NEBL: variants seen among roughly 807,000 people sequenced by gnomAD.
NEBL encodes LIM and SH3 protein 2.
NEBL carries 122 observed loss-of-function variants against 140.2 expected under a neutral mutation model. That is an observed-to-expected ratio of 0.87 (90% CI 0.75 to 1.01). The LOEUF (loss-of-function observed/expected upper bound fraction) is 1.01, where lower values mean the gene tolerates loss of function less well. Among genes scored for constraint, NEBL ranks in the 50% least tolerant of loss-of-function variants. The pLI is 0.00. For missense variants in NEBL, 1,365 were observed against 1,231.3 expected (o/e 1.11, Z -1.62); for synonymous variants, 436 against 398.9 (o/e 1.09, Z -1.11).
At chr10:21,115,537 T>G (rs958808253) in intron 2 of NEBL, among the ~76,000 whole-genome samples, 2 of 151,736 alleles carry the variant, frequency 1.3e-5, no homozygotes, top group South Asian at 2.1e-4. Flanking sequence ...TAGGTGAGAG[T>G]TTTTTTTCTT....
At chr10:20,908,303 T>C (rs1201902504) in intron 4 of NEBL, among the ~76,000 whole-genome samples, 1 of 152,234 alleles carries the variant, frequency 6.6e-6, no homozygotes, top group Non-Finnish European at 1.5e-5. Flanking sequence ...ATGCTTTTTA[T>C]TCCTTTCTGG....
At chr10:21,249,999 G>T (rs1842566873) in intron 2 of NEBL, among the ~76,000 whole-genome samples, 1 of 152,154 alleles carries the variant, frequency 6.6e-6, no homozygotes, top group Non-Finnish European at 1.5e-5. Flanking sequence ...TAGAGGCAGA[G>T]GTTGCAATGA....
At chr10:21,080,398 T>C (rs1239844355) in intron 2 of NEBL, among the ~76,000 whole-genome samples, 1 of 152,218 alleles carries the variant, frequency 6.6e-6, no homozygotes, top group African/African-American at 2.4e-5. Flanking sequence ...GCGAATTTCA[T>C]TTTTGGGAAC....
In NEBL at chr10:20,923,666, C is replaced by CAAAAAAAAAAAAAAAAAAAAA. The variant is rs71390799; in HGVS notation, c.357+37985_357+38005dup. Among the ~76,000 whole-genome samples, 31 of 28,366 alleles carry CAAAAAAAAAAAAAAAAAAAAA rather than the reference C, an allele frequency of 1.1e-3. 4 individuals carry two copies. The highest frequency in any genetic ancestry group is 2.9e-3 in the African/African-American group (23 of 8,036). 18.6% of individuals were successfully genotyped at this position (28,366 alleles called of 152,430 possible). ...TGCACTCCAGAGCAAGACTCCGTCTCAAAAAAAAAAAAAAAAAAAAAAAAA... is the reference window on the plus strand; with the variant it reads ...TGCACTCCAGAGCAAGACTCCGTCTCAAAAAAAAAAAAAAAAAAAAAAAAAAAAAAAAAAAAAAAAAAAAAA... On this transcript the variant is annotated intron_variant, in intron 4 of 6. Transcript: ENST00000417816.
chr10:20,997,244 G>T (rs966263913), intron 3 of NEBL, among the ~76,000 whole-genome samples: 1 of 151,994 alleles, frequency 6.6e-6, no homozygotes, highest in African/African-American at 2.4e-5. Flanking sequence ...GGGTTGCAGA[G>T]ATAATGGGAT....
intron 3 of NEBL, among the ~76,000 whole-genome samples, chr10:21,219,304 G>A (rs1480469527): frequency 6.6e-6 from 1 of 152,098 alleles, no homozygotes; most frequent in African/African-American, 2.4e-5. Context: ...AAGTAGTCAG[G>A]ACTGACTTAA....
chr10:20,848,917 A>C (rs1842220853), intron 11 of NEBL, among the ~76,000 whole-genome samples: 1 of 152,200 alleles, frequency 6.6e-6, no homozygotes, highest in South Asian at 2.1e-4. Flanking sequence ...CTTTTTCCCA[A>C]GAATATGAAT....
intron 4 of NEBL, among the ~76,000 whole-genome samples, chr10:20,927,802 G>A (rs1277113998): frequency 2.0e-5 from 3 of 152,070 alleles, no homozygotes; most frequent in Non-Finnish European, 4.4e-5. Flanking sequence ...AACTCTCTGA[G>A]GCTATGTTTC....
intron 4 of NEBL, among the ~76,000 whole-genome samples, chr10:20,907,036 G>A (rs578134447): frequency 1.3e-5 from 2 of 152,188 alleles, no homozygotes; most frequent in East Asian, 3.8e-4. Flanking sequence ...AGTGTTCAAT[G>A]GTCAGATGTA....
At chr10:20,835,950 C>T (rs1232642110) in intron 13 of NEBL, among the ~76,000 whole-genome samples, 4 of 152,184 alleles carry the variant, frequency 2.6e-5, no homozygotes, top group African/African-American at 7.2e-5. Flanking sequence ...AACAGATGAA[C>T]TTAGAAGCCA....
chr10:20,845,269 G>A lies in NEBL; in HGVS notation c.1216C>T (p.Leu406Phe). ...EFLHVKYITN[L>F]LREKEYKKDL... Reference sequence around the variant, plus strand: ...CACCAAGATCGTACCTCCCTCAGAAGGTTGGTGATGTACTTTACATGTAAA... The same window carrying A: ...CACCAAGATCGTACCTCCCTCAGAAAGTTGGTGATGTACTTTACATGTAAA... Residue 406 changes from leucine to phenylalanine, a missense_variant, in exon 12 of 28, where the codon CTT becomes TTT. Leu to Phe is a conservative substitution (Grantham distance 22, BLOSUM62 0). This residue lies in a region of NEBL where 1,323 missense variants were observed against 1,154.8 expected (regional missense o/e 1.15). Transcript: ENST00000377122. 1 of 1,567,002 alleles carries A rather than the reference G, an allele frequency of 6.4e-7. No individual in the cohort carries two copies. The highest frequency in any genetic ancestry group is 2.2e-5 in the East Asian group (1 of 44,516).
chr10:21,061,328 A>G (rs990580896), intron 2 of NEBL, among the ~76,000 whole-genome samples: 1 of 148,998 alleles, frequency 6.7e-6, no homozygotes, highest in Non-Finnish European at 1.5e-5. Flanking sequence ...TATATTACAT[A>G]TTATGTGATA....
chr10:21,011,228 G>A (rs1042601445), intron 3 of NEBL, among the ~76,000 whole-genome samples: 10 of 152,172 alleles, frequency 6.6e-5, no homozygotes, highest in Non-Finnish European at 1.0e-4. Context: ...AGCCCAGATC[G>A]CTGGGTGGCT....
At chr10:21,230,494 G>A (rs1425287935) in intron 3 of NEBL, among the ~76,000 whole-genome samples, 1 of 151,950 alleles carries the variant, frequency 6.6e-6, no homozygotes, top group Non-Finnish European at 1.5e-5. Flanking sequence ...CAAGATGAAT[G>A]TGTCAACAAT....
chr10:21,142,434 G>T (rs917622914), intron 2 of NEBL, among the ~76,000 whole-genome samples: 8 of 152,074 alleles, frequency 5.3e-5, no homozygotes, highest in African/African-American at 1.4e-4. Context: ...CCCATTCAGG[G>T]TGTATAAGAG....
At chr10:20,981,082 G>T (rs1837020197) in intron 3 of NEBL, among the ~76,000 whole-genome samples, 1 of 151,670 alleles carries the variant, frequency 6.6e-6, no homozygotes, top group African/African-American at 2.4e-5. Context: ...AAGCCACTGT[G>T]CCCAGCCCCA....
intron 2 of NEBL, among the ~76,000 whole-genome samples, chr10:21,143,731 A>G (rs998334937): frequency 1.3e-5 from 2 of 152,148 alleles, no homozygotes; most frequent in African/African-American, 2.4e-5. Context: ...TACGTGTTCA[A>G]TAAGTGACTT....
chr10:20,791,397 G>T (rs372085736), intron 26 of NEBL, among the ~76,000 whole-genome samples: 5 of 152,072 alleles, frequency 3.3e-5, no homozygotes, highest in African/African-American at 1.2e-4. Context: ...GAAAAGTTTT[G>T]TTTTTTTGTT....
intron 3 of NEBL, among the ~76,000 whole-genome samples, chr10:20,979,231 A>C (rs1394187361): frequency 1.3e-5 from 2 of 152,232 alleles, no homozygotes; most frequent in Non-Finnish European, 2.9e-5. Context: ...CAGCCTGGGC[A>C]AAAGAGCAAG....
Sources: allele counts gnomAD v4.1 joint callset (sites outside exome capture counted in the v4.1 genomes callset), GRCh38; gene constraint gnomAD v4.1.1; regional missense constraint gnomAD v4.1.1; transcripts MANE v1.5; gene names NCBI Gene and HGNC (gene_info 2026-07-23, HGNC 2026-07-21).